Variants in KAZN observed in about 807,000 individuals in gnomAD.
KAZN encodes kazrin, periplakin interacting protein.
A neutral mutation model predicts 87.4 loss-of-function variants in KAZN; 40 were observed. That is an observed-to-expected ratio of 0.46 (90% CI 0.36 to 0.60). The LOEUF is 0.60. Among genes scored for constraint, KAZN ranks in the 20% least tolerant of loss-of-function variants. The pLI is 0.00. For missense variants in KAZN, 898 were observed against 1,073.9 expected (o/e 0.84, Z 2.29); for synonymous variants, 466 against 458.3 (o/e 1.02, Z -0.22).
Position 14,000,744 on chromosome 1 carries a change from G to A in KAZN, c.91+106988G>A, listed in dbSNP as rs140789026. On this transcript the variant is annotated intron_variant, in intron 1 of 16. Coordinates refer to the KAZN transcript ENST00000636203. ...AGAAATAAAGGTATTCAGATAGGAA[G>A]AGAGGAAGTCAAATTGTCTCTGTTT... 6.4e-3 allele frequency among the ~76,000 whole-genome samples: 976 copies of A among 152,288 alleles called. 10 individuals are homozygous for A. Among genetic ancestry groups the A allele is most frequent in the African/African-American group, 0.022 (928 of 41,556 alleles).
At chr1:14,081,304 G>A (rs1643666141) in intron 1 of KAZN, among the ~76,000 whole-genome samples, 1 of 152,088 alleles carries the variant, frequency 6.6e-6, no homozygotes, top group South Asian at 2.1e-4. Flanking sequence ...GCCGTGAACT[G>A]CAGTACATTA....
At chr1:15,001,950 G>T (rs1033911018) in intron 2 of KAZN, among the ~76,000 whole-genome samples, 6 of 142,170 alleles carry the variant, frequency 4.2e-5, no homozygotes, top group African/African-American at 1.1e-4. Context: ...GCACGATCTC[G>T]GCTCACTGCA....
rs191468877 is a variant in KAZN, at chr1:13,987,194, A to G, written c.91+93438A>G. On this transcript the variant is annotated intron_variant, in intron 1 of 16. Coordinates refer to the KAZN transcript ENST00000636203. ...TAACTTTAAGTTCTGGGATACATGC[A>G]CAGAACGTGCAGGTTTGTTACATAG... 3.3e-3 allele frequency among the ~76,000 whole-genome samples: 507 copies of G among 152,036 alleles called. 2 individuals are homozygous for G. Among genetic ancestry groups the G allele is most frequent in the African/African-American group, 0.011 (472 of 41,462 alleles).
intron 2 of KAZN, among the ~76,000 whole-genome samples, chr1:14,556,534 G>T (rs1673889431): frequency 6.6e-6 from 1 of 151,878 alleles, no homozygotes; most frequent in Non-Finnish European, 1.5e-5. Flanking sequence ...GTCAACTGAG[G>T]GTGAATTTTC....
intron 1 of KAZN, among the ~76,000 whole-genome samples, chr1:13,934,263 T>C (rs937397914): frequency 2.0e-5 from 3 of 152,156 alleles, no homozygotes; most frequent in African/African-American, 7.2e-5. Context: ...AAAGTGTGCC[T>C]CAGATTTTCT....
In KAZN at chr1:15,034,710, G is replaced by T. The variant is rs1241390342; in HGVS notation, c.419-39G>T. ...AGCACTCAGGCATCTGGAGAGGACAGCTGGGGTCTTGGGAACTAACTCTCT... is the reference window on the plus strand; with the variant it reads ...AGCACTCAGGCATCTGGAGAGGACATCTGGGGTCTTGGGAACTAACTCTCT... On this transcript the variant is annotated intron_variant, in intron 2 of 14. Coordinates refer to ENST00000376030, the MANE Select transcript of KAZN (RefSeq NM_201628.3). 3.7e-6 allele frequency: 6 copies of T among 1,612,294 alleles called. No individual in the cohort carries two copies. In the African/African-American group the frequency reaches 6.7e-5, roughly 18 times the overall value.
At chr1:14,477,740 C>A (rs1386487599) in intron 2 of KAZN, among the ~76,000 whole-genome samples, 1 of 152,108 alleles carries the variant, frequency 6.6e-6, no homozygotes, top group Non-Finnish European at 1.5e-5. Flanking sequence ...AGGCATGCAA[C>A]CTGGCTTCCT....
In KAZN at chr1:13,994,781, G is replaced by A. The variant is rs114860854; in HGVS notation, c.91+101025G>A. Among the ~76,000 whole-genome samples the A allele has an allele frequency of 4.3e-3, 652 of 152,222 alleles. 3 individuals are homozygous for A. The highest frequency in any genetic ancestry group is 0.015 in the African/African-American group (623 of 41,534). On this transcript the variant is annotated intron_variant, in intron 1 of 16. Transcript: ENST00000636203. Reference sequence around the variant, plus strand: ...ATAAGTAAGGTTTAACAAGGAAAAGGGCCTGTGAAGAGGATGCTGTAAGAT... The same window carrying A: ...ATAAGTAAGGTTTAACAAGGAAAAGAGCCTGTGAAGAGGATGCTGTAAGAT...
chr1:15,050,447 C>T (rs757193342), intron 4 of KAZN, among the ~76,000 whole-genome samples: 22 of 152,176 alleles, frequency 1.4e-4, no homozygotes, highest in Non-Finnish European at 2.9e-4. Context: ...CCTCAGTTTC[C>T]TCATCTGTAA....
At chr1:13,897,769 G>C (rs1345544812) in intron 1 of KAZN, among the ~76,000 whole-genome samples, 1 of 152,222 alleles carries the variant, frequency 6.6e-6, no homozygotes, top group Non-Finnish European at 1.5e-5. Flanking sequence ...TTTAAAAAAT[G>C]TGTCTTGTCT....
chr1:14,394,117 A>C (rs1320091628), intron 2 of KAZN, among the ~76,000 whole-genome samples: 1 of 151,884 alleles, frequency 6.6e-6, no homozygotes, highest in Non-Finnish European at 1.5e-5. Context: ...TATGGTGAGG[A>C]CCCCCCCACA....
chr1:14,924,004 C>A, intron 1 of KAZN: 1 of 531,354 alleles, frequency 1.9e-6, no homozygotes, highest in Non-Finnish European at 2.3e-6. Context: ...CGGGGCGACG[C>A]GGCGGCGCTC....
chr1:14,295,219 A>G (rs1246687054), intron 2 of KAZN, among the ~76,000 whole-genome samples: 1 of 152,246 alleles, frequency 6.6e-6, no homozygotes, highest in Non-Finnish European at 1.5e-5. Context: ...TCAGGCCCTG[A>G]TGACATTTCT....
At chr1:14,887,767 C>CT (rs1333555696) in intron 1 of KAZN, among the ~76,000 whole-genome samples, 2 of 151,236 alleles carry the variant, frequency 1.3e-5, no homozygotes, top group Non-Finnish European at 2.9e-5. Context: ...CGGTAATGAG[C>CT]TTTCGGGCCT....
chr1:14,962,431 A>G (rs902796689), intron 2 of KAZN, among the ~76,000 whole-genome samples: 1 of 152,126 alleles, frequency 6.6e-6, no homozygotes, highest in African/African-American at 2.4e-5. Flanking sequence ...CATGCCTGGG[A>G]AGTCATTTTG....
chr1:14,964,397 C>T (rs1304823371), intron 2 of KAZN, among the ~76,000 whole-genome samples: 3 of 152,106 alleles, frequency 2.0e-5, no homozygotes, highest in Non-Finnish European at 2.9e-5. Flanking sequence ...TTGTCTGATT[C>T]TCATGAGGGG....
chr1:14,928,127 G>C (rs956518319), intron 1 of KAZN, among the ~76,000 whole-genome samples: 4 of 152,208 alleles, frequency 2.6e-5, no homozygotes, highest in African/African-American at 7.2e-5. Context: ...CAGCAGTATG[G>C]AAAGACTTCA....
At chr1:14,333,869 C>T (rs1657027514) in intron 2 of KAZN, among the ~76,000 whole-genome samples, 1 of 152,086 alleles carries the variant, frequency 6.6e-6, no homozygotes, top group South Asian at 2.1e-4. Context: ...TCAAAGGCCA[C>T]AGAAATGTGG....
rs113701941 is a variant in KAZN at position 14,861,936 on chromosome 1, G to A, written c.227-98748G>A. On this transcript the variant is annotated intron_variant, in intron 1 of 14. Transcript: ENST00000376030. Reference sequence around the variant, plus strand: ...CTGAAAGGGAGAAACGGGATTGGTGGCATCATTTCAGATCCTTAGCCAAGC... The same window carrying A: ...CTGAAAGGGAGAAACGGGATTGGTGACATCATTTCAGATCCTTAGCCAAGC... Among the ~76,000 whole-genome samples, 206 of 152,310 alleles carry A rather than the reference G, an allele frequency of 1.4e-3. 1 individual carries two copies. The highest frequency in any genetic ancestry group is 4.4e-3 in the African/African-American group (183 of 41,564).
Sources: allele counts gnomAD v4.1 joint callset (sites outside exome capture counted in the v4.1 genomes callset), GRCh38; gene constraint gnomAD v4.1.1; transcripts MANE v1.5; gene names NCBI Gene and HGNC (gene_info 2026-07-23, HGNC 2026-07-21).